Variants in FBXO11 observed in about 807,000 individuals in gnomAD.
FBXO11 encodes F-box only protein 11.
In FBXO11, 13 loss-of-function variants were observed where a neutral mutation model predicts 117.0. That is an observed-to-expected ratio of 0.11 (90% CI 0.07 to 0.18). The LOEUF is 0.18. FBXO11 is among the 10% of genes least tolerant of loss of function. FBXO11 has a pLI of 1.00. For synonymous variants in FBXO11, 490 were observed against 380.5 expected, an observed-to-expected ratio of 1.29 and a Z score of -3.35; for missense variants, 767 against 1,164.4, an observed-to-expected ratio of 0.66 and a Z score of 4.97.
intron 1 of FBXO11, among the ~76,000 whole-genome samples, chr2:47,866,881 G>C (rs1365370338): frequency 6.6e-6 from 1 of 152,170 alleles, no homozygotes; most frequent in Non-Finnish European, 1.5e-5. Flanking sequence ...GATGAGCCTT[G>C]ATCATCTTCA....
rs1224113146 is a variant in FBXO11, at chr2:47,807,851, CTG to C, written c.*265_*266del. 1 of 319,924 alleles carries C rather than the reference CTG, an allele frequency of 3.1e-6. No homozygotes were observed. The highest frequency in any genetic ancestry group is 5.8e-6 in the Non-Finnish European group (1 of 172,366). The allele number at this position is 319,924 out of a possible 1,614,324, so 19.8% of individuals were successfully genotyped here. ...ACACCAGCTTTTCAGAAGTTGGTAT[CTG>C]TACAAAATTGCAGCTTATTTTCTTC... On this transcript the variant is annotated 3_prime_UTR_variant, in exon 23 of 23. Transcript: ENST00000403359.
At chr2:47,826,774 T>G (rs75307886) in intron 11 of FBXO11, among the ~76,000 whole-genome samples, 8,378 of 152,252 alleles carry the variant, frequency 0.055, 248 homozygotes, top group Non-Finnish European at 0.069. Flanking sequence ...TTCTTTTTAT[T>G]TATTTTTTTG....
rs1405198976 is a variant in FBXO11 at position 47,848,886 on chromosome 2, T to C, written c.233-9117A>G. On this transcript the variant is annotated intron_variant, in intron 1 of 22. Transcript: ENST00000403359. The stretch of plus-strand genomic sequence containing the variant: ...TGAAAGTTTGCAAAAAATTATACTA[T>C]TGATTGGCTGGGGTTTAAAGTCTAC... Among the ~76,000 whole-genome samples the C allele has an allele frequency of 2.6e-5, 4 of 152,256 alleles. No homozygotes were observed. The East Asian group carries it at 5.8e-4, about 22-fold the overall frequency.
chr2:47,816,624 A>G (rs1255202364), intron 16 of FBXO11, among the ~76,000 whole-genome samples: 1 of 151,080 alleles, frequency 6.6e-6, no homozygotes, highest in Admixed American at 6.6e-5. Flanking sequence ...ACAAAGACTT[A>G]AAAATTGAAA....
Position 47,818,870 on chromosome 2 carries a change from A to T in FBXO11, c.1921-6T>A. 1 of 1,569,814 alleles carries T rather than the reference A, an allele frequency of 6.4e-7. No homozygotes were observed. The highest frequency in any genetic ancestry group is 2.2e-5 in the East Asian group (1 of 44,724). The stretch of plus-strand genomic sequence containing the variant: ...TCATAAAAATAAACACCAACCTAAA[A>T]TTTAAAAAAAAAAAAAAAGCTTTTT... On this transcript the variant is annotated splice_region_variant and splice_polypyrimidine_tract_variant and intron_variant, in intron 15 of 22. Coordinates refer to ENST00000403359, the MANE Select transcript of FBXO11 (RefSeq NM_001190274.2).
At position 47,905,698 on chromosome 2, in the gene FBXO11, T is replaced by C; in HGVS notation, c.23A>G (p.Asn8Ser). 2 of 1,513,474 alleles carry C rather than the reference T, an allele frequency of 1.3e-6. No homozygotes were observed. The highest frequency in any genetic ancestry group is 1.2e-5 in the South Asian group (1 of 82,982). The allele number at this position is 1,513,474 out of a possible 1,614,324, so 93.8% of individuals were successfully genotyped here. Residue 8 changes from asparagine to serine, a missense_variant, in exon 1 of 23, where the codon AAC becomes AGC. By Grantham distance (46) the Asn-to-Ser change is conservative. Transcript: ENST00000403359. MNSVRAA[N>S]RRPRRVSRPR... The stretch of plus-strand genomic sequence containing the variant: ...CCGCGACACTCGCCTGGGTCTCCGG[T>C]TGGCGGCTCGGACGGAGTTCATTTG...
chr2:47,846,339 T>C (rs1264003050), intron 1 of FBXO11, among the ~76,000 whole-genome samples: 1 of 152,182 alleles, frequency 6.6e-6, no homozygotes, highest in Admixed American at 6.5e-5. Context: ...TGGTGGCGCA[T>C]GCCTGTAATC....
At chr2:47,839,347 T>G in intron 3 of FBXO11, 72 bp downstream of exon 3, 15 of 1,396,996 alleles carry the variant, frequency 1.1e-5, no homozygotes, top group Non-Finnish European at 1.5e-5. Flanking sequence ...ACACTTAATT[T>G]TCATTTTTTG....
At chr2:47,817,099 T>G (rs113299024) in intron 16 of FBXO11, among the ~76,000 whole-genome samples, 4 of 152,366 alleles carry the variant, frequency 2.6e-5, no homozygotes, top group African/African-American at 9.6e-5. Context: ...GTAGCCACCT[T>G]CAACAATGAT....
intron 11 of FBXO11, among the ~76,000 whole-genome samples, chr2:47,831,908 T>G (rs925674305): frequency 2.0e-5 from 3 of 152,196 alleles, no homozygotes; most frequent in Admixed American, 1.3e-4. Context: ...AAAATAACAA[T>G]GAAACCATTA....
chr2:47,866,077 C>T (rs1675169810), intron 1 of FBXO11, among the ~76,000 whole-genome samples: 1 of 151,778 alleles, frequency 6.6e-6, no homozygotes, highest in Non-Finnish European at 1.5e-5. Flanking sequence ...CATAGCAAGA[C>T]TCCCATCTCT....
At chr2:47,816,038 G>A (rs1314345270) in intron 16 of FBXO11, among the ~76,000 whole-genome samples, 14 of 152,236 alleles carry the variant, frequency 9.2e-5, no homozygotes, top group Non-Finnish European at 2.1e-4. Context: ...TCCCCCTGCT[G>A]TCTAGATCAG....
chr2:47,807,036 A>G lies in FBXO11; in HGVS notation c.*1082T>C. On this transcript the variant is annotated 3_prime_UTR_variant, in exon 23 of 23. Transcript: ENST00000403359. ...ACATAATGGTTATTGAATACTCCACAATATATTAAGTCTAGATGTTATGGT... is the reference window on the plus strand; with the variant it reads ...ACATAATGGTTATTGAATACTCCACGATATATTAAGTCTAGATGTTATGGT... 7 of 625,904 alleles carry G rather than the reference A, an allele frequency of 1.1e-5. No individual in the cohort carries two copies. The highest frequency in any genetic ancestry group is 5.7e-5 in the South Asian group (3 of 52,432). The allele number at this position is 625,904 out of a possible 1,614,324, so 38.8% of individuals were successfully genotyped here. A position where few individuals can be genotyped will look rare whatever the true frequency, so the allele number is the denominator to read the frequency against.
At chr2:47,863,906 A>C (rs1345554952) in intron 1 of FBXO11, among the ~76,000 whole-genome samples, 1 of 151,258 alleles carries the variant, frequency 6.6e-6, no homozygotes, top group Non-Finnish European at 1.5e-5. Flanking sequence ...GTGCCAATGC[A>C]CTCCAACCTG....
chr2:47,852,383 C>G (rs954451389), intron 1 of FBXO11, among the ~76,000 whole-genome samples: 3 of 152,142 alleles, frequency 2.0e-5, no homozygotes, highest in Non-Finnish European at 4.4e-5. Context: ...TTACCAGTCC[C>G]ATACTTTGAC....
intron 1 of FBXO11, among the ~76,000 whole-genome samples, chr2:47,880,967 T>A (rs1558468816): frequency 6.6e-6 from 1 of 151,972 alleles, no homozygotes; most frequent in African/African-American, 2.4e-5. Flanking sequence ...AAGAAAGGCA[T>A]GTTTGGGCCG....
intron 1 of FBXO11, among the ~76,000 whole-genome samples, chr2:47,881,477 T>C (rs1227397833): frequency 6.6e-6 from 1 of 152,188 alleles, no homozygotes; most frequent in Non-Finnish European, 1.5e-5. Flanking sequence ...ATGTTAAAAT[T>C]AGCACGCCTC....
chr2:47,861,318 CTT>C (rs869265850), intron 1 of FBXO11, among the ~76,000 whole-genome samples: 25 of 132,572 alleles, frequency 1.9e-4, no homozygotes, highest in Admixed American at 2.3e-4. Context: ...ATAGTCTGAC[CTT>C]TTTTTTTTTT....
At chr2:47,901,059 A>T (rs1346597487) in intron 1 of FBXO11, among the ~76,000 whole-genome samples, 1 of 126,822 alleles carries the variant, frequency 7.9e-6, no homozygotes, top group Non-Finnish European at 1.7e-5. Context: ...ATACACATAT[A>T]TATGTATATA....
Sources: gnomAD v4.1 joint callset for allele counts (sites outside exome capture counted in the v4.1 genomes callset) on GRCh38, gnomAD v4.1.1 for gene constraint, MANE v1.5 for transcripts, NCBI Gene and HGNC (gene_info 2026-07-23, HGNC 2026-07-21) for gene names.